Variants in CABLES1 observed in about 807,000 individuals in gnomAD.
CABLES1 encodes the protein CDK5 and ABL1 enzyme substrate 1.
CABLES1 carries 36 observed loss-of-function variants against 57.8 expected under a neutral mutation model. That is an observed-to-expected ratio of 0.62 (90% CI 0.48 to 0.82). The LOEUF (loss-of-function observed/expected upper bound fraction) is 0.82, where lower values mean the gene tolerates loss of function less well. CABLES1 is among the 40% of genes least tolerant of loss of function. The pLI is 0.00. For synonymous variants in CABLES1, 374 were observed against 363.0 expected (o/e 1.03, Z -0.35); for missense variants, 767 against 836.6 (o/e 0.92, Z 1.03).
chr18:23,219,280 A>G (rs754705182), intron 4 of CABLES1: 2 of 454,148 alleles, frequency 4.4e-6, no homozygotes, highest in South Asian at 3.1e-5. Flanking sequence ...GGAATAAGCT[A>G]GTAAACCAAT....
At position 23,136,107 on chromosome 18, in the gene CABLES1, G is replaced by T; in HGVS notation, c.345G>T (p.Glu115Asp). The change falls in exon 1 of 10, where the codon GAG (glutamate) becomes GAT (aspartate). Residue 115 changes from glutamate (E) to aspartate (D), a missense_variant. By Grantham distance (45) the Glu-to-Asp change is conservative. Transcript: ENST00000256925. ...RTRFSLLAAA[E>D]RGGCIALAAP... Reference sequence around the variant, plus strand: ...GGTTCAGCTTGCTCGCCGCTGCCGAGCGGGGCGGCTGCATCGCGCTCGCCG... The same window carrying T: ...GGTTCAGCTTGCTCGCCGCTGCCGATCGGGGCGGCTGCATCGCGCTCGCCG... The T allele has an allele frequency of 8.4e-7, 1 of 1,187,972 alleles. No individual in the cohort carries two copies. The highest frequency in any genetic ancestry group is 1.0e-6 in the Non-Finnish European group (1 of 960,466). The allele number at this position is 1,187,972 out of a possible 1,614,324, so 73.6% of individuals were successfully genotyped here. A position where few individuals can be genotyped will look rare whatever the true frequency, so the allele number is the denominator to read the frequency against.
At chr18:23,199,878 C>T (rs1377737050) in intron 3 of CABLES1, among the ~76,000 whole-genome samples, 1 of 152,018 alleles carries the variant, frequency 6.6e-6, no homozygotes, top group African/African-American at 2.4e-5. Flanking sequence ...AATAAAACAC[C>T]AGTAATAGCC....
intron 3 of CABLES1, among the ~76,000 whole-genome samples, chr18:23,211,329 C>A (rs775054758): frequency 6.6e-6 from 1 of 152,204 alleles, no homozygotes; most frequent in Non-Finnish European, 1.5e-5. Context: ...CAGAGGACAT[C>A]GATGCCCAGT....
chr18:23,214,428 G>T (rs1568070878), intron 4 of CABLES1, among the ~76,000 whole-genome samples: 1 of 152,098 alleles, frequency 6.6e-6, no homozygotes, highest in Non-Finnish European at 1.5e-5. Flanking sequence ...CCACCTCCTT[G>T]CATCTTGGGC....
At position 23,260,124 on chromosome 18, in the gene CABLES1, C is replaced by T. The variant is rs957779412; in HGVS notation, c.*2757C>T. ...GGCAGCAGGGAGTGTGGCCCAGCCCCCACTGTACCCCTCCAGGGGCCCGAG... is the reference window on the plus strand; with the variant it reads ...GGCAGCAGGGAGTGTGGCCCAGCCCTCACTGTACCCCTCCAGGGGCCCGAG... On this transcript the variant is annotated 3_prime_UTR_variant, in exon 10 of 10. Coordinates refer to ENST00000256925, the MANE Select transcript of CABLES1 (RefSeq NM_001100619.3). 2 of 152,254 alleles carry T rather than the reference C, an allele frequency of 1.3e-5. No individual in the cohort carries two copies. The highest frequency in any genetic ancestry group is 2.9e-5 in the Non-Finnish European group (2 of 68,104). 9.4% of individuals were successfully genotyped at this position (152,254 alleles called of 1,614,324 possible).
intron 3 of CABLES1, among the ~76,000 whole-genome samples, chr18:23,194,746 C>G (rs1379507732): frequency 1.3e-5 from 2 of 152,206 alleles, no homozygotes. Context: ...TGAATGCTCT[C>G]TAAGGCGAAG....
chr18:23,178,520 A>T (rs1340186037), intron 1 of CABLES1, among the ~76,000 whole-genome samples: 1 of 152,112 alleles, frequency 6.6e-6, no homozygotes, highest in African/African-American at 2.4e-5. Context: ...CTGTGTTCTG[A>T]CCTTCCCTCT....
At chr18:23,152,367 T>C (rs1298807915) in intron 1 of CABLES1, among the ~76,000 whole-genome samples, 1 of 152,172 alleles carries the variant, frequency 6.6e-6, no homozygotes, top group Non-Finnish European at 1.5e-5. Context: ...AATATATCTG[T>C]AGGGTCTTAA....
intron 1 of CABLES1, among the ~76,000 whole-genome samples, chr18:23,154,657 C>G (rs1050202347): frequency 6.6e-6 from 1 of 152,118 alleles, no homozygotes; most frequent in African/African-American, 2.4e-5. Flanking sequence ...TTTGTAGGGG[C>G]TGATGTCACC....
intron 4 of CABLES1, among the ~76,000 whole-genome samples, chr18:23,227,775 G>A (rs751518603): frequency 5.3e-5 from 8 of 152,154 alleles, no homozygotes; most frequent in Non-Finnish European, 1.0e-4. Flanking sequence ...ATTTCCTTTC[G>A]TAATCCAGCT....
chr18:23,227,718 TC>T (rs1449020121), intron 4 of CABLES1, among the ~76,000 whole-genome samples: 2 of 152,186 alleles, frequency 1.3e-5, no homozygotes, highest in African/African-American at 4.8e-5. Flanking sequence ...GTCGTCGACT[TC>T]CGGCCCATGT....
chr18:23,242,255 G>A (rs1376930394), intron 7 of CABLES1, among the ~76,000 whole-genome samples: 1 of 152,160 alleles, frequency 6.6e-6, no homozygotes, highest in African/African-American at 2.4e-5. Flanking sequence ...TCCAGCCTGG[G>A]TGACGAGAAT....
At chr18:23,186,703 T>C (rs1407814390) in intron 1 of CABLES1, among the ~76,000 whole-genome samples, 1 of 152,196 alleles carries the variant, frequency 6.6e-6, no homozygotes, top group Non-Finnish European at 1.5e-5. Context: ...ATTACAGGTG[T>C]GAGCCACCAT....
intron 1 of CABLES1, among the ~76,000 whole-genome samples, chr18:23,177,434 C>CACACACACAG (rs1405196264): frequency 1.3e-5 from 2 of 151,008 alleles, no homozygotes; most frequent in Admixed American, 1.3e-4. Context: ...CACACACACA[C>CACACACACAG]ACACACACAC....
intron 1 of CABLES1, among the ~76,000 whole-genome samples, chr18:23,144,049 A>G (rs2046875474): frequency 1.3e-5 from 2 of 152,080 alleles, no homozygotes. Context: ...TGGCACTCTC[A>G]GGCTTCTCCT....
At chr18:23,244,336 T>G (rs1247779287) in intron 7 of CABLES1, among the ~76,000 whole-genome samples, 1 of 152,230 alleles carries the variant, frequency 6.6e-6, no homozygotes, top group Non-Finnish European at 1.5e-5. Context: ...TTTCTTCCTG[T>G]GTTCCTCTCC....
At chr18:23,234,469 G>A (rs1472719987) in intron 4 of CABLES1, 139 bp from the exon 5 acceptor site, 1 of 668,532 alleles carries the variant, frequency 1.5e-6, no homozygotes, top group Admixed American at 2.4e-5. Flanking sequence ...CCCGAAGAGG[G>A]ACAACGGGCT....
chr18:23,155,985 G>C, intron 1 of CABLES1: 1 of 1,613,814 alleles, frequency 6.2e-7, no homozygotes, highest in South Asian at 1.1e-5. Context: ...GGGTGACCCA[G>C]AGAGCTGAGT....
intron 1 of CABLES1, among the ~76,000 whole-genome samples, chr18:23,140,120 G>A (rs2046848395): frequency 6.6e-6 from 1 of 152,172 alleles, no homozygotes; most frequent in Non-Finnish European, 1.5e-5. Context: ...CAGTGTCAGA[G>A]GTGGGAAACC....
Sources: allele counts gnomAD v4.1 joint callset (sites outside exome capture counted in the v4.1 genomes callset), GRCh38; gene constraint gnomAD v4.1.1; transcripts MANE v1.5; gene names NCBI Gene and HGNC (gene_info 2026-07-23, HGNC 2026-07-21).